Variants in PIGK observed in about 807,000 individuals in gnomAD.
PIGK encodes the protein phosphatidylinositol glycan anchor biosynthesis class K.
Under a neutral mutation model 50.6 loss-of-function variants are expected in PIGK, and 42 were observed. That is an observed-to-expected ratio of 0.83 (90% CI 0.65 to 1.07). PIGK has a LOEUF of 1.07. PIGK is among the 50% of genes least tolerant of loss of function. The pLI is 0.00. For missense variants in PIGK, 448 were observed against 488.7 expected (o/e 0.92, Z 0.78); for synonymous variants, 151 against 156.0 (o/e 0.97, Z 0.24).
chr1:77,210,853 T>G (rs1388547025), intron 1 of PIGK, among the ~76,000 whole-genome samples: 1 of 152,090 alleles, frequency 6.6e-6, no homozygotes, highest in Non-Finnish European at 1.5e-5. Flanking sequence ...TTTAGAGAAC[T>G]ATAAGGTATA....
intron 9 of PIGK, among the ~76,000 whole-genome samples, chr1:77,142,975 A>C (rs1329040696): frequency 6.6e-6 from 1 of 152,192 alleles, no homozygotes; most frequent in African/African-American, 2.4e-5. Context: ...GCCATACTTC[A>C]CTTGTAGAAT....
intron 3 of PIGK, among the ~76,000 whole-genome samples, chr1:77,202,703 A>T (rs1656198319): frequency 6.6e-6 from 1 of 152,214 alleles, no homozygotes; most frequent in Non-Finnish European, 1.5e-5. Flanking sequence ...GAATAAGAAA[A>T]AAAACAGTGT....
intron 3 of PIGK, among the ~76,000 whole-genome samples, chr1:77,174,928 C>CTGTG (rs965201363): frequency 1.3e-5 from 2 of 151,888 alleles, no homozygotes; most frequent in African/African-American, 4.8e-5. Context: ...CTTCTTCTGT[C>CTGTG]TATCTGTATA....
In PIGK at chr1:77,194,830, G is replaced by C. The variant is rs555421799; in HGVS notation, c.239+11810C>G. ...AAAAAAAAAAAGACTCAGTGACCAG[G>C]TCATCAAGATTCTGGGCACTGAGAA... On this transcript the variant is annotated intron_variant, in intron 3 of 10. Coordinates refer to ENST00000370812, the MANE Select transcript of PIGK (RefSeq NM_005482.3). The C allele has an allele frequency of 3.0e-4, 114 of 379,638 alleles. 1 individual carries two copies. Among genetic ancestry groups the C allele is most frequent in the South Asian group, 2.5e-3 (113 of 46,102 alleles). 23.5% of individuals were successfully genotyped at this position (379,638 alleles called of 1,614,324 possible).
chr1:77,092,892 C>T (rs1274049655), intron 10 of PIGK, among the ~76,000 whole-genome samples: 1 of 152,054 alleles, frequency 6.6e-6, no homozygotes, highest in African/African-American at 2.4e-5. Context: ...ATTCCCAGCA[C>T]CAACCTGCCA....
chr1:77,199,909 T>C (rs917936056), intron 3 of PIGK, among the ~76,000 whole-genome samples: 18 of 152,128 alleles, frequency 1.2e-4, no homozygotes, highest in Admixed American at 1.2e-3. Flanking sequence ...TATAATTATG[T>C]GCACTCATCA....
intron 8 of PIGK, among the ~76,000 whole-genome samples, chr1:77,160,414 T>C (rs1482394779): frequency 6.6e-6 from 1 of 152,200 alleles, no homozygotes; most frequent in African/African-American, 2.4e-5. Flanking sequence ...AAGATTTATA[T>C]ATAATTAAAG....
Position 77,092,439 on chromosome 1 carries a change from A to G in PIGK, c.1123T>C (p.Trp375Arg), listed in dbSNP as rs1488649011. 1 of 1,607,846 alleles carries G rather than the reference A, an allele frequency of 6.2e-7. No individual in the cohort carries two copies. Among genetic ancestry groups the G allele is most frequent in the Admixed American group, 1.7e-5 (1 of 59,120 alleles). The change falls in exon 11 of 11, where the codon TGG becomes CGG. Residue 375 changes from tryptophan (W) to arginine (R), a missense_variant. Trp to Arg is a moderately radical substitution (Grantham distance 101). Transcript: ENST00000370812. ...AAGAAAACCATGATAATAAGTGCCC[A>G]TAATCCCAGAATAAAGCCCCCAGGA... ...HPPGGFILGL[W>R]ALIIMVFFKT...
intron 2 of PIGK, among the ~76,000 whole-genome samples, chr1:77,207,295 C>G (rs1162974292): frequency 1.3e-5 from 2 of 152,128 alleles, no homozygotes; most frequent in Non-Finnish European, 2.9e-5. Flanking sequence ...AAATACTGAA[C>G]CAACTTAGTT....
At chr1:77,153,786 A>C (rs1382995123) in intron 9 of PIGK, 8 of 152,140 alleles carry the variant, frequency 5.3e-5, no homozygotes, top group African/African-American at 1.7e-4. Flanking sequence ...CAATCCAAAA[A>C]AGTTCCCTAT....
Position 77,106,677 on chromosome 1 carries a change from A to G in PIGK, c.1072-14187T>C, listed in dbSNP as rs375901178. ...AAACAGTCCTTTTCTGCTTCTATAT[A>G]CTAGTTGAAGACAGCACGCTAATGT... On this transcript the variant is annotated intron_variant, in intron 10 of 10. Transcript: ENST00000370812. 1.0e-3 allele frequency among the ~76,000 whole-genome samples: 153 copies of G among 152,178 alleles called. 2 individuals carry two copies. The highest frequency in any genetic ancestry group is 3.5e-3 in the African/African-American group (144 of 41,520).
At chr1:77,186,780 G>A (rs1052489219) in intron 3 of PIGK, among the ~76,000 whole-genome samples, 15 of 152,144 alleles carry the variant, frequency 9.9e-5, no homozygotes, top group African/African-American at 3.6e-4. Flanking sequence ...CACCAACGCT[G>A]ACCTGGTTAT....
intron 9 of PIGK, among the ~76,000 whole-genome samples, chr1:77,127,184 C>T (rs531437598): frequency 6.6e-6 from 1 of 152,202 alleles, no homozygotes; most frequent in Admixed American, 6.5e-5. Flanking sequence ...ATTATGAAGC[C>T]TATGAAGTTA....
intron 10 of PIGK, among the ~76,000 whole-genome samples, chr1:77,105,096 T>C (rs916537159): frequency 2.6e-5 from 4 of 152,006 alleles, no homozygotes; most frequent in African/African-American, 7.2e-5. Context: ...ATGGTGAAGG[T>C]AGAGAATGTT....
At chr1:77,098,196 CA>C (rs1296598593) in intron 10 of PIGK, among the ~76,000 whole-genome samples, 2 of 151,362 alleles carry the variant, frequency 1.3e-5, no homozygotes, top group Admixed American at 6.6e-5. Context: ...ACACTGTAAA[CA>C]AAAACACACT....
intron 1 of PIGK, among the ~76,000 whole-genome samples, chr1:77,212,464 G>C (rs1656441799): frequency 6.6e-6 from 1 of 152,038 alleles, no homozygotes; most frequent in Non-Finnish European, 1.5e-5. Flanking sequence ...AAAATTTCAG[G>C]GAGAATAAAT....
chr1:77,122,339 T>A lies in PIGK; in HGVS notation c.1007A>T (p.Asp336Val), dbSNP rs754181796. ...TTTCAGAGGTTCCATTAGTTTCTCA[T>A]CCATCTGGTCTTCCTTATAGCTGGA... Reference protein sequence around the residue: ...MESSYKEDQMDEKLMEPLKYA... With the variant: ...MESSYKEDQMVEKLMEPLKYA... The change falls in exon 10 of 11, where the codon GAT (aspartate) becomes GTT (valine). Residue 336 changes from aspartate to valine, a missense_variant. Coordinates refer to ENST00000370812, the MANE Select transcript of PIGK (RefSeq NM_005482.3). 1.9e-6 allele frequency: 3 copies of A among 1,600,810 alleles called. No individual in the cohort carries two copies. Among genetic ancestry groups the A allele is most frequent in the Non-Finnish European group, 1.7e-6 (2 of 1,168,448 alleles).
chr1:77,218,942 A>G (rs1656653382), intron 1 of PIGK, among the ~76,000 whole-genome samples: 1 of 152,112 alleles, frequency 6.6e-6, no homozygotes, highest in African/African-American at 2.4e-5. Flanking sequence ...AATTGCCCTC[A>G]TCTCTCCAGT....
intron 9 of PIGK, among the ~76,000 whole-genome samples, chr1:77,135,187 A>T (rs1352178292): frequency 6.6e-6 from 1 of 152,120 alleles, no homozygotes; most frequent in Non-Finnish European, 1.5e-5. Context: ...GTTTCTGATA[A>T]TGTAATACTG....
Sources: gnomAD v4.1 joint callset for allele counts (sites outside exome capture counted in the v4.1 genomes callset) on GRCh38, gnomAD v4.1.1 for gene constraint, MANE v1.5 for transcripts, NCBI Gene and HGNC (gene_info 2026-07-23, HGNC 2026-07-21) for gene names.